The following SBF2 variants were observed in gnomAD, a reference collection of about 807,000 sequenced individuals.
SBF2 encodes the protein SET binding factor 2.
SBF2 carries 112 observed loss-of-function variants against 225.2 expected under a neutral mutation model. The ratio of observed to expected loss-of-function variants is 0.50; its 90% CI spans 0.43 to 0.58. The LOEUF (loss-of-function observed/expected upper bound fraction) is 0.58, where lower values mean the gene tolerates loss of function less well. Among genes scored for constraint, SBF2 ranks in the 20% least tolerant of loss-of-function variants. The probability of loss-of-function intolerance (pLI) is 0.00; values close to 1 mark genes in which losing one functional copy is unlikely to be tolerated. For synonymous variants in SBF2, 763 were observed against 773.3 expected (o/e 0.99, Z 0.22); for missense variants, 1,996 against 2,206.2 (o/e 0.90, Z 1.91).
intron 1 of SBF2, among the ~76,000 whole-genome samples, chr11:10,304,411 G>T (rs944638661): frequency 1.4e-4 from 22 of 152,176 alleles, no homozygotes; most frequent in African/African-American, 4.8e-4. Context: ...TGAAAATTCT[G>T]AAATTTCAGA....
intron 28 of SBF2, among the ~76,000 whole-genome samples, chr11:9,818,532 TG>T (rs566542741): frequency 1.7e-3 from 263 of 152,292 alleles, no homozygotes; most frequent in African/African-American, 5.9e-3. Flanking sequence ...CTCCCTCAAG[TG>T]GGTTTTCTTC....
intron 17 of SBF2, among the ~76,000 whole-genome samples, chr11:9,888,032 C>T (rs1167771888): frequency 1.3e-5 from 2 of 152,038 alleles, no homozygotes; most frequent in Non-Finnish European, 2.9e-5. Context: ...CTATGAAAGT[C>T]GGCATATTTG....
Position 9,839,548 on chromosome 11 carries a change from G to A in SBF2, c.3405C>T (p.Pro1135=). ...TISGSSSRSR[P]EYFRITASNR... is the part of the protein sequence containing the mutation. Reference sequence around the variant, plus strand: ...TGGAGGCAGTAATTCTAAAATACTCGGGTCTTGAACGGGAAGAGCTGCCAC... The same window carrying A: ...TGGAGGCAGTAATTCTAAAATACTCAGGTCTTGAACGGGAAGAGCTGCCAC... The change falls in exon 26 of 40, where the codon CCC becomes CCT. Residue 1135 remains proline (P), a synonymous_variant. Transcript: ENST00000256190. The A allele has an allele frequency of 1.2e-6, 2 of 1,614,124 alleles. No homozygotes were observed. The highest frequency in any genetic ancestry group is 1.3e-5 in the African/African-American group (1 of 75,020).
intron 2 of SBF2, among the ~76,000 whole-genome samples, chr11:10,063,667 TAA>T (rs1482577295): frequency 6.6e-6 from 1 of 151,742 alleles, no homozygotes; most frequent in Admixed American, 6.6e-5. Flanking sequence ...AAAAATTTTT[TAA>T]AAGTTAGAAA....
chr11:9,830,011 T>C lies in SBF2; in HGVS notation c.3653-515A>G, dbSNP rs867534594. 2.1e-4 allele frequency among the ~76,000 whole-genome samples: 32 copies of C among 152,314 alleles called. No homozygotes were observed. In the Middle Eastern group the frequency reaches 0.027, roughly 130 times the overall value. ...AGGCCCACCAGGGGACATGAGCCTA[T>C]AAAGATTTGTAGAGGGAAGAGTGGA... On this transcript the variant is annotated intron_variant, in intron 27 of 39. Coordinates refer to ENST00000256190, the MANE Select transcript of SBF2 (RefSeq NM_030962.4).
chr11:10,194,101 T>C, intron 1 of SBF2, 114 bp from the exon 2 acceptor site: 4 of 802,266 alleles, frequency 5.0e-6, no homozygotes, highest in African/African-American at 1.7e-5. Flanking sequence ...ATAAACTGAT[T>C]AAACATTTTC....
intron 1 of SBF2, among the ~76,000 whole-genome samples, chr11:10,248,994 G>T (rs910057462): frequency 9.2e-5 from 14 of 152,178 alleles, no homozygotes; most frequent in African/African-American, 2.9e-4. Context: ...TACTCAGGAG[G>T]CTGAGGCAGG....
intron 1 of SBF2, among the ~76,000 whole-genome samples, chr11:10,212,284 T>A (rs1023966299): frequency 6.6e-6 from 1 of 152,212 alleles, no homozygotes; most frequent in Non-Finnish European, 1.5e-5. Context: ...ATGCCTGATT[T>A]CCACAAGCTC....
At chr11:10,042,800 T>C (rs764742882) in intron 3 of SBF2, 44 bp downstream of exon 3, 50 of 1,605,228 alleles carry the variant, frequency 3.1e-5, no homozygotes, top group Non-Finnish European at 4.3e-5. Context: ...CATTCCTAAA[T>C]GTTGTACCTT....
intron 26 of SBF2, chr11:9,838,037 CTTTTTTTTTTT>C (rs59357500): frequency 7.2e-6 from 1 of 138,894 alleles, no homozygotes; most frequent in African/African-American, 2.7e-5. Context: ...AGCCCAGCCA[CTTTTTTTTTTT>C]TTTTTTTTTT....
chr11:9,890,326 A>G (rs914297530), intron 17 of SBF2, among the ~76,000 whole-genome samples: 1 of 152,184 alleles, frequency 6.6e-6, no homozygotes, highest in Non-Finnish European at 1.5e-5. Context: ...CACACTTAAG[A>G]TGGGTGAATT....
intron 16 of SBF2, among the ~76,000 whole-genome samples, chr11:9,902,664 G>A (rs1360910728): frequency 6.6e-6 from 1 of 152,172 alleles, no homozygotes; most frequent in Non-Finnish European, 1.5e-5. Context: ...AGTCTGAGAT[G>A]TAAGAAGATA....
chr11:9,857,195 A>T (rs993566473), intron 18 of SBF2, among the ~76,000 whole-genome samples: 2 of 152,186 alleles, frequency 1.3e-5, no homozygotes, highest in South Asian at 4.1e-4. Flanking sequence ...TCTTTCCCAG[A>T]TCCAACAGGC....
rs1864753115 is a variant in SBF2 at position 9,934,710 on chromosome 11, G to A, written c.1860+27247C>T. 1.3e-5 allele frequency among the ~76,000 whole-genome samples: 2 copies of A among 152,124 alleles called. 1 individual carries two copies. The highest frequency in any genetic ancestry group is 4.2e-4 in the South Asian group (2 of 4,818). On this transcript the variant is annotated intron_variant, in intron 16 of 39. Coordinates refer to ENST00000256190, the MANE Select transcript of SBF2 (RefSeq NM_030962.4). ...AACAGAACCAACAACAAAAAGACATGATTATCTCAACAGATGCAGAAAAGG... is the reference window on the plus strand; with the variant it reads ...AACAGAACCAACAACAAAAAGACATAATTATCTCAACAGATGCAGAAAAGG...
chr11:9,963,235 C>T (rs1238136831), intron 15 of SBF2, among the ~76,000 whole-genome samples: 10 of 152,214 alleles, frequency 6.6e-5, no homozygotes, highest in South Asian at 2.1e-4. Flanking sequence ...GAGGCTGAGG[C>T]GGCTGGATCA....
chr11:9,951,164 G>C (rs758837547), intron 16 of SBF2, among the ~76,000 whole-genome samples: 1 of 152,176 alleles, frequency 6.6e-6, no homozygotes, highest in African/African-American at 2.4e-5. Flanking sequence ...GAAAGGAAAG[G>C]AGGAAGAAAC....
chr11:10,296,625 TGGAACAACCCATATGGACA>T, upstream of SBF2, among the ~76,000 whole-genome samples: 1 of 152,290 alleles, frequency 6.6e-6, no homozygotes, highest in African/African-American at 2.4e-5. Context: ...TTTGTTTATC[TGGAACAACCCATATGGACA>T]TATGGGTTGT....
At chr11:9,965,319 G>C (rs1301308539) in intron 14 of SBF2, among the ~76,000 whole-genome samples, 1 of 46,920 alleles carries the variant, frequency 2.1e-5, no homozygotes, top group Non-Finnish European at 4.2e-5. Flanking sequence ...TTTTTTTTTT[G>C]AGACAGAGTT....
intron 2 of SBF2, among the ~76,000 whole-genome samples, chr11:10,058,108 G>A (rs1382964054): frequency 2.0e-5 from 3 of 152,202 alleles, no homozygotes; most frequent in Admixed American, 6.5e-5. Context: ...CAGAGAGTCT[G>A]TCATATGTCC....
Sources: allele counts gnomAD v4.1 joint callset (sites outside exome capture counted in the v4.1 genomes callset), GRCh38; gene constraint gnomAD v4.1.1; transcripts MANE v1.5; gene names NCBI Gene and HGNC (gene_info 2026-07-23, HGNC 2026-07-21).